The following CHURC1 variants were observed in gnomAD, a reference collection of about 807,000 sequenced individuals.
CHURC1 encodes churchill domain containing 1, also known as protein Churchill.
Under a neutral mutation model 15.4 loss-of-function variants are expected in CHURC1, and 12 were observed. The observed-to-expected ratio is 0.78, with a 90% CI of 0.50 to 1.27. The LOEUF (loss-of-function observed/expected upper bound fraction) is 1.27, where lower values mean the gene tolerates loss of function less well. Among genes scored for constraint, CHURC1 ranks in the 50% most tolerant of loss-of-function variants. The pLI, the probability that CHURC1 is intolerant of heterozygous loss-of-function variation, is 0.00. For missense variants in CHURC1, 132 were observed against 137.8 expected (o/e 0.96, Z 0.21); for synonymous variants, 42 against 47.5 (o/e 0.88, Z 0.48).
chr14:64,932,089 A>G (rs1885108078), intron 3 of CHURC1, 49 bp from the exon 4 acceptor site: 1 of 1,587,864 alleles, frequency 6.3e-7, no homozygotes, highest in Non-Finnish European at 8.6e-7. Context: ...GTTATAAAGC[A>G]TCTTTTTCCC....
chr14:64,929,968 G>C, intron 3 of CHURC1, among the ~76,000 whole-genome samples: 1 of 151,414 alleles, frequency 6.6e-6, no homozygotes, highest in African/African-American at 2.4e-5. Context: ...CCAAAATTGT[G>C]TGTTTACTTC....
chr14:64,929,732 A>T (rs1884968115), intron 3 of CHURC1, among the ~76,000 whole-genome samples: 1 of 152,174 alleles, frequency 6.6e-6, no homozygotes, highest in East Asian at 1.9e-4. Context: ...CAAACGTATC[A>T]CTACCTCTTT....
chr14:64,928,370 C>T (rs1171972211), intron 3 of CHURC1, among the ~76,000 whole-genome samples: 1 of 152,170 alleles, frequency 6.6e-6, no homozygotes, highest in Non-Finnish European at 1.5e-5. Flanking sequence ...GCCTCAACCC[C>T]TCGAGTAGCT....
Position 64,933,402 on chromosome 14 carries a change from A to C in CHURC1, c.*1172A>C. 1.0e-6 allele frequency: 1 copy of C among 985,494 alleles called. No individual in the cohort carries two copies. Among genetic ancestry groups the C allele is most frequent in the African/African-American group, 1.7e-5 (1 of 57,372 alleles). 61.0% of individuals were successfully genotyped at this position (985,494 alleles called of 1,614,324 possible). A position where few individuals can be genotyped will look rare whatever the true frequency, so the allele number is the denominator to read the frequency against. On this transcript the variant is annotated 3_prime_UTR_variant, in exon 4 of 4. Coordinates refer to ENST00000549115, the MANE Select transcript of CHURC1 (RefSeq NM_001386928.1). ...TCATTGGCTTTAAAGGGATTTTAGA[A>C]TATCTTACTTTGCATAGTTTCATGA...
chr14:64,925,988 A>C, intron 2 of CHURC1, 22 bp from the exon 3 acceptor site: 1 of 1,565,532 alleles, frequency 6.4e-7, no homozygotes, highest in Non-Finnish European at 8.7e-7. Context: ...TTAATTACGT[A>C]AGTCTCTCTT....
At chr14:64,929,615 C>T (rs2139914400) in intron 3 of CHURC1, among the ~76,000 whole-genome samples, 1 of 152,246 alleles carries the variant, frequency 6.6e-6, no homozygotes, top group Non-Finnish European at 1.5e-5. Flanking sequence ...AAACATAGTC[C>T]AAAGTAGGCA....
intron 1 of CHURC1, among the ~76,000 whole-genome samples, chr14:64,921,994 G>A (rs1002089957): frequency 6.6e-6 from 1 of 152,148 alleles, no homozygotes; most frequent in Non-Finnish European, 1.5e-5. Flanking sequence ...GCATTATATC[G>A]AGCAAGGAAA....
chr14:64,934,981 C>T lies in CHURC1; in HGVS notation c.*2751C>T. 1 of 984,170 alleles carries T rather than the reference C, an allele frequency of 1.0e-6. No homozygotes were observed. The highest frequency in any genetic ancestry group is 1.2e-6 in the Non-Finnish European group (1 of 828,934). 61.0% of individuals were successfully genotyped at this position (984,170 alleles called of 1,614,324 possible). A position where few individuals can be genotyped will look rare whatever the true frequency, so the allele number is the denominator to read the frequency against. On this transcript the variant is annotated 3_prime_UTR_variant, in exon 4 of 4. Coordinates refer to ENST00000549115, the MANE Select transcript of CHURC1 (RefSeq NM_001386928.1). Reference sequence around the variant, plus strand: ...ATTCTTATGTGGATCTAATAACGACCACTTGAACCCAGTTTCACAGAATCC... The same window carrying T: ...ATTCTTATGTGGATCTAATAACGACTACTTGAACCCAGTTTCACAGAATCC...
At position 64,932,394 on chromosome 14, in the gene CHURC1, TC is replaced by T; in HGVS notation, c.*165del. 1 of 1,380,360 alleles carries T rather than the reference TC, an allele frequency of 7.2e-7. No homozygotes were observed. Among genetic ancestry groups the T allele is most frequent in the South Asian group, 1.8e-5 (1 of 56,988 alleles). The allele number at this position is 1,380,360 out of a possible 1,614,324, so 85.5% of individuals were successfully genotyped here. ...AAAAGGTAATGTAGGAGCTCATTGTTCTCTAGAGCTGAGCTCTTCTGCTAAA... is the reference window on the plus strand; with the variant it reads ...AAAAGGTAATGTAGGAGCTCATTGTTTCTAGAGCTGAGCTCTTCTGCTAAA... On this transcript the variant is annotated 3_prime_UTR_variant, in exon 4 of 4. Coordinates refer to ENST00000549115, the MANE Select transcript of CHURC1 (RefSeq NM_001386928.1).
chr14:64,926,213 T>A, intron 3 of CHURC1, 133 bp downstream of exon 3: 2 of 256,998 alleles, frequency 7.8e-6, no homozygotes, highest in Non-Finnish European at 1.4e-5. Flanking sequence ...GACTATGCCT[T>A]TTTTTTTTTT....
rs74855540 is a variant in CHURC1, at chr14:64,921,805, A to G, written c.40-2186A>G. 5.7e-3 allele frequency among the ~76,000 whole-genome samples: 876 copies of G among 152,360 alleles called. 6 individuals carry two copies. The highest frequency in any genetic ancestry group is 0.02 in the African/African-American group (850 of 41,578). On this transcript the variant is annotated intron_variant, in intron 1 of 3. Coordinates refer to ENST00000549115, the MANE Select transcript of CHURC1 (RefSeq NM_001386928.1). ...ACTTCTACATATTTACCCAAGGGAA[A>G]GGAAGACATGTATCCATCCAAGACT...
rs866417427 is a variant in CHURC1, at chr14:64,934,065, G to A, written c.*1835G>A. On this transcript the variant is annotated 3_prime_UTR_variant, in exon 4 of 4. Coordinates refer to ENST00000549115, the MANE Select transcript of CHURC1 (RefSeq NM_001386928.1). Reference sequence around the variant, plus strand: ...GCACAAAGAAGTTAAATAACTTGCCGGGTGCGGTGGCTCACCCCTGTAATC... The same window carrying A: ...GCACAAAGAAGTTAAATAACTTGCCAGGTGCGGTGGCTCACCCCTGTAATC... 135 of 971,346 alleles carry A rather than the reference G, an allele frequency of 1.4e-4. 1 individual carries two copies. In the Middle Eastern group the frequency reaches 2.1e-3, roughly 15 times the overall value. The allele number at this position is 971,346 out of a possible 1,614,324, so 60.2% of individuals were successfully genotyped here. A position where few individuals can be genotyped will look rare whatever the true frequency, so the allele number is the denominator to read the frequency against.
In CHURC1 at chr14:64,916,920, A is replaced by G. The variant is rs369948935; in HGVS notation, c.39+2386A>G. 3.2e-4 allele frequency among the ~76,000 whole-genome samples: 49 copies of G among 152,316 alleles called. No individual in the cohort carries two copies. The South Asian group carries it at 9.7e-3, about 30-fold the overall frequency. On this transcript the variant is annotated intron_variant, in intron 1 of 3. Transcript: ENST00000549115. ...GAGTGGAGTTATTGTAAAACTTAAA[A>G]GTCATATTGAGAAGTTTAGAGTTTA...
At position 64,933,808 on chromosome 14, in the gene CHURC1, G is replaced by A; in HGVS notation, c.*1578G>A. The A allele has an allele frequency of 1.0e-6, 1 of 985,414 alleles. No individual in the cohort carries two copies. The highest frequency in any genetic ancestry group is 1.2e-6 in the Non-Finnish European group (1 of 829,916). 61.0% of individuals were successfully genotyped at this position (985,414 alleles called of 1,614,324 possible). A position where few individuals can be genotyped will look rare whatever the true frequency, so the allele number is the denominator to read the frequency against. On this transcript the variant is annotated 3_prime_UTR_variant, in exon 4 of 4. Transcript: ENST00000549115. ...TGTTCATTGTAGATACTAGGGAAAA[G>A]CTTTGTTGAATAACAGTAATGATGA...
chr14:64,918,481 G>T (rs1454781616), intron 1 of CHURC1, among the ~76,000 whole-genome samples: 7 of 152,184 alleles, frequency 4.6e-5, no homozygotes, highest in Non-Finnish European at 1.0e-4. Context: ...AGTAAGAGCA[G>T]AAGCCCACTG....
At chr14:64,917,629 T>G (rs1014461951) in intron 1 of CHURC1, among the ~76,000 whole-genome samples, 1 of 152,100 alleles carries the variant, frequency 6.6e-6, no homozygotes, top group African/African-American at 2.4e-5. Flanking sequence ...CATGCACCTG[T>G]AGTCCTAGCT....
chr14:64,921,784 CT>C (rs1231519393), intron 1 of CHURC1, among the ~76,000 whole-genome samples: 2 of 152,200 alleles, frequency 1.3e-5, no homozygotes, highest in African/African-American at 4.8e-5. Context: ...AATTCCACTT[CT>C]ACATATTTAC....
chr14:64,923,857 T>C, intron 1 of CHURC1, 134 bp from the exon 2 acceptor site: 1 of 758,072 alleles, frequency 1.3e-6, no homozygotes, highest in Non-Finnish European at 1.8e-6. Flanking sequence ...AAAAATTATT[T>C]GGTATATGAC....
At chr14:64,918,988 A>G (rs1280242225) in intron 1 of CHURC1, among the ~76,000 whole-genome samples, 63 of 152,222 alleles carry the variant, frequency 4.1e-4, no homozygotes, top group Admixed American at 4.1e-3. Context: ...TGAATTCTTA[A>G]TGGGGCTCTG....
Sources: gnomAD v4.1 joint callset for allele counts (sites outside exome capture counted in the v4.1 genomes callset) on GRCh38, gnomAD v4.1.1 for gene constraint, MANE v1.5 for transcripts, NCBI Gene and HGNC (gene_info 2026-07-23, HGNC 2026-07-21) for gene names.